Variants in FAM149B1 observed in about 807,000 individuals in gnomAD.
The protein encoded by FAM149B1 is primary cilium assembly protein FAM149B1.
Under a neutral mutation model 75.3 loss-of-function variants are expected in FAM149B1, and 56 were observed. That is an observed-to-expected ratio of 0.74 (90% CI 0.60 to 0.93). FAM149B1 has a LOEUF of 0.93. FAM149B1 is among the 40% of genes least tolerant of loss of function. The probability of loss-of-function intolerance (pLI) is 0.00; values close to 1 mark genes in which losing one functional copy is unlikely to be tolerated. For missense variants in FAM149B1, 639 were observed against 708.4 expected, an observed-to-expected ratio of 0.90 and a Z score of 1.11; for synonymous variants, 259 against 256.1, an observed-to-expected ratio of 1.01 and a Z score of -0.11.
At chr10:73,172,446 C>T (rs1293156337) in intron 1 of FAM149B1, among the ~76,000 whole-genome samples, 3 of 152,194 alleles carry the variant, frequency 2.0e-5, no homozygotes, top group Non-Finnish European at 4.4e-5. Flanking sequence ...AACCAAATGA[C>T]CTTAAGCAGG....
chr10:73,223,327 C>T (rs914871598), intron 7 of FAM149B1, among the ~76,000 whole-genome samples: 1 of 152,128 alleles, frequency 6.6e-6, no homozygotes, highest in Non-Finnish European at 1.5e-5. Context: ...TACCCTTATG[C>T]ATCTGGCTTC....
intron 7 of FAM149B1, among the ~76,000 whole-genome samples, chr10:73,211,679 A>G (rs2043188837): frequency 1.3e-5 from 2 of 152,252 alleles, no homozygotes; most frequent in Admixed American, 1.3e-4. Flanking sequence ...GAATATAATG[A>G]TTTATGAAGA....
At chr10:73,169,459 CTTT>C (rs11452129) in intron 1 of FAM149B1, among the ~76,000 whole-genome samples, 4 of 142,592 alleles carry the variant, frequency 2.8e-5, no homozygotes, top group Non-Finnish European at 4.6e-5. Flanking sequence ...AGGGCCTTCA[CTTT>C]TTTTTTTTTT....
intron 5 of FAM149B1, among the ~76,000 whole-genome samples, chr10:73,197,461 A>C (rs2042831523): frequency 6.6e-6 from 1 of 152,208 alleles, no homozygotes; most frequent in Admixed American, 6.5e-5. Flanking sequence ...CGGTGAGAAA[A>C]ACAAACACAC....
At chr10:73,210,592 G>A (rs2043165715) in intron 7 of FAM149B1, among the ~76,000 whole-genome samples, 154 bp downstream of exon 7, 1 of 152,182 alleles carries the variant, frequency 6.6e-6, no homozygotes, top group African/African-American at 2.4e-5. Flanking sequence ...GGGAGGCCAA[G>A]GGGAAGGATC....
chr10:73,217,462 A>G (rs1589174805), intron 7 of FAM149B1, among the ~76,000 whole-genome samples: 1 of 152,224 alleles, frequency 6.6e-6, no homozygotes, highest in East Asian at 1.9e-4. Flanking sequence ...GGAACAGCTT[A>G]GCTAGTTCTC....
intron 12 of FAM149B1, among the ~76,000 whole-genome samples, chr10:73,237,762 A>T (rs2043853518): frequency 6.6e-6 from 1 of 151,506 alleles, no homozygotes; most frequent in Non-Finnish European, 1.5e-5. Flanking sequence ...ATCTCGCTAC[A>T]TCACCCAGGC....
At chr10:73,213,212 T>C (rs2043226957) in intron 7 of FAM149B1, among the ~76,000 whole-genome samples, 1 of 152,236 alleles carries the variant, frequency 6.6e-6, no homozygotes, top group Non-Finnish European at 1.5e-5. Flanking sequence ...TTGAAATCCT[T>C]GTAGATTCTG....
Position 73,233,149 on chromosome 10 carries a change from CAG to C in FAM149B1, c.1341_1342del (p.Gly448SerfsTer22), listed in dbSNP as rs1447751282. 1 of 1,551,132 alleles carries C rather than the reference CAG, an allele frequency of 6.4e-7. No homozygotes were observed. Among genetic ancestry groups the C allele is most frequent in the South Asian group, 1.2e-5 (1 of 84,046 alleles). On this transcript the variant is annotated frameshift_variant, in exon 10 of 14. Transcript: ENST00000242505. LOFTEE classifies it high-confidence loss of function. ...ETPRSVEEIL[R>X]GARVPVAPDS... is the part of the protein sequence containing the mutation. ...CACCAAGATCTGTGGAAGAAATCCT[CAG>C]AGGAGCCCGAGTGTAGGTTTCAAAA...
At position 73,187,754 on chromosome 10, in the gene FAM149B1, TACC is replaced by T. The variant is rs149049029; in HGVS notation, c.283-4799_283-4797del. On this transcript the variant is annotated intron_variant, in intron 3 of 13. Transcript: ENST00000242505. ...CAAAAAAAAATTAGAGGACATATAC[TACC>T]ACATCTCAAAACTTAATATCAAAAC... 6.7e-3 allele frequency among the ~76,000 whole-genome samples: 1,011 copies of T among 150,588 alleles called. 16 individuals carry two copies. Among genetic ancestry groups the T allele is most frequent in the African/African-American group, 0.024 (969 of 40,974 alleles).
At position 73,242,146 on chromosome 10, in the gene FAM149B1, A is replaced by T. The variant is rs1361202584; in HGVS notation, c.*1127A>T. On this transcript the variant is annotated 3_prime_UTR_variant, in exon 14 of 14. Transcript: ENST00000242505. Reference sequence around the variant, plus strand: ...TGCTTCAAACAACCTGCATTAAATTATATTTTTAATAAAATTAAAATCTAT... The same window carrying T: ...TGCTTCAAACAACCTGCATTAAATTTTATTTTTAATAAAATTAAAATCTAT... The T allele has an allele frequency of 2.0e-5, 3 of 152,326 alleles. No homozygotes were observed. Among genetic ancestry groups the T allele is most frequent in the East Asian group, 3.8e-4 (2 of 5,196 alleles). The allele number at this position is 152,326 out of a possible 1,614,324, so 9.4% of individuals were successfully genotyped here. A position where few individuals can be genotyped will look rare whatever the true frequency, so the allele number is the denominator to read the frequency against.
At chr10:73,237,423 T>C (rs1008654209) in intron 12 of FAM149B1, among the ~76,000 whole-genome samples, 1 of 149,274 alleles carries the variant, frequency 6.7e-6, no homozygotes, top group African/African-American at 2.4e-5. Context: ...CTCTGAAACT[T>C]TTTTTTTTTT....
At chr10:73,182,978 G>A (rs557303710) in intron 3 of FAM149B1, among the ~76,000 whole-genome samples, 35 of 152,204 alleles carry the variant, frequency 2.3e-4, no homozygotes, top group African/African-American at 7.7e-4. Context: ...GGCTCCTATC[G>A]CACACCAGGC....
At chr10:73,190,181 T>C (rs1397235916) in intron 3 of FAM149B1, among the ~76,000 whole-genome samples, 1 of 150,884 alleles carries the variant, frequency 6.6e-6, no homozygotes, top group Non-Finnish European at 1.5e-5. Context: ...AACTGCAATA[T>C]ATTTCTAACA....
chr10:73,235,168 T>G, intron 11 of FAM149B1, 25 bp from the exon 12 acceptor site: 1 of 1,550,936 alleles, frequency 6.4e-7, no homozygotes. Flanking sequence ...TTTCACTGTT[T>G]CTGTAACTTT....
intron 7 of FAM149B1, among the ~76,000 whole-genome samples, chr10:73,218,432 A>G (rs1224164218): frequency 1.3e-5 from 2 of 152,174 alleles, no homozygotes; most frequent in African/African-American, 4.8e-5. Context: ...TTTAGTCCAA[A>G]TTGGCAGTTT....
intron 3 of FAM149B1, among the ~76,000 whole-genome samples, chr10:73,186,896 G>T (rs1320840537): frequency 6.6e-6 from 1 of 152,098 alleles, no homozygotes; most frequent in Non-Finnish European, 1.5e-5. Context: ...AATGGGGGAT[G>T]ACTGCTAATG....
chr10:73,240,492 C>CA (rs2043918530), intron 13 of FAM149B1, among the ~76,000 whole-genome samples: 1 of 152,118 alleles, frequency 6.6e-6, no homozygotes, highest in Admixed American at 6.5e-5. Context: ...GCGGGCGGAT[C>CA]ACGAGGTCAG....
At position 73,231,925 on chromosome 10, in the gene FAM149B1, TAA is replaced by T. The variant is rs10693492; in HGVS notation, c.1128-1001_1128-1000del. Among the ~76,000 whole-genome samples the T allele has an allele frequency of 1.4e-3, 202 of 141,866 alleles. 3 individuals carry two copies. Among genetic ancestry groups the T allele is most frequent in the African/African-American group, 4.4e-3 (171 of 38,926 alleles). 93.1% of individuals were successfully genotyped at this position (141,866 alleles called of 152,430 possible). A position where few individuals can be genotyped will look rare whatever the true frequency, so the allele number is the denominator to read the frequency against. Reference sequence around the variant, plus strand: ...TAATTAGAAAGCAGTTAGGGTGTGTTAAAAAAAAAAAAAAGGCATAAGTGAAT... The same window carrying T: ...TAATTAGAAAGCAGTTAGGGTGTGTTAAAAAAAAAAAAGGCATAAGTGAAT... On this transcript the variant is annotated intron_variant, in intron 9 of 13. Coordinates refer to ENST00000242505, the MANE Select transcript of FAM149B1 (RefSeq NM_173348.2).
Sources: gnomAD v4.1 joint callset for allele counts (sites outside exome capture counted in the v4.1 genomes callset) on GRCh38, gnomAD v4.1.1 for gene constraint, MANE v1.5 for transcripts, NCBI Gene and HGNC (gene_info 2026-07-23, HGNC 2026-07-21) for gene names.